Variants in TMEM200A observed in about 807,000 individuals in gnomAD.
TMEM200A encodes the protein transmembrane protein 200A.
In TMEM200A, 12 loss-of-function variants were observed where a neutral mutation model predicts 24.3. The observed-to-expected ratio is 0.49, with a 90% CI of 0.32 to 0.80. TMEM200A has a LOEUF of 0.80. Among genes scored for constraint, TMEM200A ranks in the 30% least tolerant of loss-of-function variants. The probability of loss-of-function intolerance (pLI) is 0.04; values close to 1 mark genes in which losing one functional copy is unlikely to be tolerated. For missense variants in TMEM200A, 545 were observed against 614.4 expected (o/e 0.89, Z 1.19); for synonymous variants, 224 against 224.4 (o/e 1.00, Z 0.02).
intron 2 of TMEM200A, among the ~76,000 whole-genome samples, chr6:130,425,320 C>CTAAA (rs1312393476): frequency 3.9e-5 from 6 of 152,074 alleles, no homozygotes; most frequent in African/African-American, 1.2e-4. Context: ...ATAAGCAGAG[C>CTAAA]TAAATAAAGT....
At chr6:130,427,841 T>G (rs1406037142) in intron 2 of TMEM200A, among the ~76,000 whole-genome samples, 2 of 152,114 alleles carry the variant, frequency 1.3e-5, no homozygotes, top group Non-Finnish European at 2.9e-5. Flanking sequence ...AACATTTCTG[T>G]TTTTTTCTTC....
intron 2 of TMEM200A, among the ~76,000 whole-genome samples, chr6:130,423,297 T>G (rs1344976139): frequency 6.6e-6 from 1 of 152,156 alleles, no homozygotes; most frequent in Non-Finnish European, 1.5e-5. Context: ...CTATCTATTA[T>G]TCCAGCCATG....
At chr6:130,439,936 C>T (rs1209951385) in intron 2 of TMEM200A, among the ~76,000 whole-genome samples, 2 of 152,028 alleles carry the variant, frequency 1.3e-5, no homozygotes, top group Non-Finnish European at 2.9e-5. Flanking sequence ...CTTTGTCAGT[C>T]TGGAGTGTTT....
At chr6:130,439,656 A>T (rs1309961308) in intron 2 of TMEM200A, among the ~76,000 whole-genome samples, 1 of 152,200 alleles carries the variant, frequency 6.6e-6, no homozygotes, top group African/African-American at 2.4e-5. Context: ...ATGGAAGAGA[A>T]GATGACCAAG....
intron 2 of TMEM200A, among the ~76,000 whole-genome samples, chr6:130,402,569 C>T (rs1014765929): frequency 6.6e-6 from 1 of 151,986 alleles, no homozygotes; most frequent in Admixed American, 6.6e-5. Flanking sequence ...TGATATTTCC[C>T]TTTCCTTTTG....
intron 2 of TMEM200A, among the ~76,000 whole-genome samples, chr6:130,420,134 G>C (rs189898630): frequency 6.6e-6 from 1 of 152,208 alleles, no homozygotes; most frequent in East Asian, 1.9e-4. Flanking sequence ...TTGAATTTTG[G>C]TGGAGGGGAC....
rs145230140 is a variant in TMEM200A, at chr6:130,441,706, G to A, written c.1284G>A (p.Lys428=). The change falls in exon 3 of 3, where the codon AAG becomes AAA. Residue 428 remains lysine (K), a synonymous_variant. Transcript: ENST00000296978. ...SWPRLDRNNS[K]GYMKLENKED... is the part of the protein sequence containing the mutation. ...CTAGGTTGGATCGGAACAACAGCAA[G>A]GGATATATGAAACTAGAGAACAAAG... 2.0e-4 allele frequency: 324 copies of A among 1,614,058 alleles called. 3 individuals carry two copies. In the African/African-American group the frequency reaches 4.1e-3, roughly 21 times the overall value.
chr6:130,388,535 C>G (rs1562554007), intron 2 of TMEM200A, among the ~76,000 whole-genome samples: 1 of 152,188 alleles, frequency 6.6e-6, no homozygotes, highest in Non-Finnish European at 1.5e-5. Context: ...TTCATTCATG[C>G]ATAGTATTTC....
intron 1 of TMEM200A, among the ~76,000 whole-genome samples, chr6:130,374,706 GA>G (rs1237203992): frequency 1.3e-5 from 2 of 152,084 alleles, no homozygotes; most frequent in Non-Finnish European, 2.9e-5. Context: ...TTACAAGTGT[GA>G]GCAACCTCAC....
At chr6:130,395,980 A>G (rs748055460) in intron 2 of TMEM200A, among the ~76,000 whole-genome samples, 16 of 152,216 alleles carry the variant, frequency 1.1e-4, no homozygotes, top group Admixed American at 2.0e-4. Flanking sequence ...TGGAGTAAAT[A>G]TGAAAATAGT....
Position 130,366,406 on chromosome 6 carries a change from C to G in TMEM200A, c.-199C>G. On this transcript the variant is annotated 5_prime_UTR_variant, in exon 1 of 3. Transcript: ENST00000296978. The surrounding 1 kb of genome is among the most constrained non-coding windows in gnomAD (Gnocchi z 4.4). ...CGAGATTCCCGCTGACGCCCCCGAC[C>G]CTGCCGCCTTCTTCGTCCGCCTCCA... 10 of 985,554 alleles carry G rather than the reference C, an allele frequency of 1.0e-5. No homozygotes were observed. The highest frequency in any genetic ancestry group is 1.2e-5 in the Non-Finnish European group (10 of 830,044). The allele number at this position is 985,554 out of a possible 1,614,324, so 61.1% of individuals were successfully genotyped here. A position where few individuals can be genotyped will look rare whatever the true frequency, so the allele number is the denominator to read the frequency against.
Position 130,423,883 on chromosome 6 carries a change from A to C in TMEM200A, c.-16-16524A>C, listed in dbSNP as rs1424501067. ...CGCTTCTGTTTTGAGCTATTTGAAT[A>C]CTTCTCACATACAGTTTTGATAATT... On this transcript the variant is annotated intron_variant, in intron 2 of 2. Coordinates refer to ENST00000296978, the MANE Select transcript of TMEM200A (RefSeq NM_001258277.2). Among the ~76,000 whole-genome samples, 3 of 152,252 alleles carry C rather than the reference A, an allele frequency of 2.0e-5. No individual in the cohort carries two copies. In the East Asian group the frequency reaches 5.8e-4, roughly 29 times the overall value.
intron 2 of TMEM200A, among the ~76,000 whole-genome samples, chr6:130,390,830 C>A (rs1426524629): frequency 6.6e-6 from 1 of 152,190 alleles, no homozygotes; most frequent in Non-Finnish European, 1.5e-5. Flanking sequence ...TTTTTGTTCA[C>A]TGCTCTGCTC....
intron 1 of TMEM200A, among the ~76,000 whole-genome samples, chr6:130,368,277 C>T (rs1778231495): frequency 6.6e-6 from 1 of 152,154 alleles, no homozygotes; most frequent in Non-Finnish European, 1.5e-5. Context: ...CTGTACTTCT[C>T]ATGATGACTC....
At chr6:130,423,082 G>A (rs1583219100) in intron 2 of TMEM200A, among the ~76,000 whole-genome samples, 2 of 152,328 alleles carry the variant, frequency 1.3e-5, no homozygotes, top group Non-Finnish European at 1.5e-5. Flanking sequence ...TGTATTTTAA[G>A]TGGCCTTCTA....
At chr6:130,420,475 G>A (rs975068838) in intron 2 of TMEM200A, among the ~76,000 whole-genome samples, 3 of 152,046 alleles carry the variant, frequency 2.0e-5, no homozygotes, top group African/African-American at 4.8e-5. Context: ...AGCTCTTAAA[G>A]TTTTTCACCA....
intron 2 of TMEM200A, among the ~76,000 whole-genome samples, chr6:130,398,008 G>A (rs375992387): frequency 5.3e-5 from 8 of 151,944 alleles, no homozygotes; most frequent in African/African-American, 1.7e-4. Flanking sequence ...GGGTACATTT[G>A]TAGGTTTGTT....
intron 2 of TMEM200A, among the ~76,000 whole-genome samples, chr6:130,417,104 T>C (rs558976675): frequency 9.2e-5 from 14 of 152,344 alleles, no homozygotes; most frequent in African/African-American, 3.1e-4. Flanking sequence ...TTTGTTTAAT[T>C]TCTGCCTTTC....
rs74459156 is a variant in TMEM200A, at chr6:130,366,210, G to A, written c.-395G>A. ...CGGCCCTCTGTGAGCACCGGCAGCG[G>A]CGCATCCCCTGCCCCGAGGCCTCCG... On this transcript the variant is annotated 5_prime_UTR_variant, in exon 1 of 3. Coordinates refer to ENST00000296978, the MANE Select transcript of TMEM200A (RefSeq NM_001258277.2). This position sits in a 1 kb window ranked among gnomAD's most constrained non-coding sequence, Gnocchi z 4.4. 143,731 of 985,070 alleles carry A rather than the reference G, an allele frequency of 0.15. 11,123 individuals carry two copies. The highest frequency in any genetic ancestry group is 0.38 in the East Asian group (3,268 of 8,682). 61.0% of individuals were successfully genotyped at this position (985,070 alleles called of 1,614,324 possible).
Sources: gnomAD v4.1 joint callset for allele counts (sites outside exome capture counted in the v4.1 genomes callset) on GRCh38, gnomAD v4.1.1 for gene constraint, Gnocchi (gnomAD v3.1) non-coding constraint, MANE v1.5 for transcripts, NCBI Gene and HGNC (gene_info 2026-07-23, HGNC 2026-07-21) for gene names.